PTPRM: variants seen among roughly 807,000 people sequenced by gnomAD.
PTPRM encodes the protein receptor-type tyrosine-protein phosphatase mu.
A neutral mutation model predicts 186.7 loss-of-function variants in PTPRM; 47 were observed. The observed-to-expected ratio is 0.25, with a 90% CI of 0.20 to 0.32. The LOEUF (loss-of-function observed/expected upper bound fraction) is 0.32, where lower values mean the gene tolerates loss of function less well. Among genes scored for constraint, PTPRM ranks in the 10% least tolerant of loss-of-function variants. PTPRM has a pLI of 1.00. For missense variants in PTPRM, 1,494 were observed against 1,865.0 expected (o/e 0.80, Z 3.66); for synonymous variants, 668 against 674.9 (o/e 0.99, Z 0.16).
At chr18:7,969,324 T>C (rs981666670) in intron 7 of PTPRM, among the ~76,000 whole-genome samples, 24 of 133,666 alleles carry the variant, frequency 1.8e-4, no homozygotes, top group Non-Finnish European at 7.9e-5. Context: ...AGAGGGAAAT[T>C]TATAGCACTA....
At chr18:8,008,230 A>G (rs1216325520) in intron 7 of PTPRM, among the ~76,000 whole-genome samples, 1 of 152,122 alleles carries the variant, frequency 6.6e-6, no homozygotes, top group Non-Finnish European at 1.5e-5. Flanking sequence ...CTTACCATAA[A>G]ATTGCAGAGG....
intron 1 of PTPRM, among the ~76,000 whole-genome samples, chr18:7,627,923 A>G (rs941298522): frequency 6.6e-6 from 1 of 152,188 alleles, no homozygotes; most frequent in African/African-American, 2.4e-5. Context: ...GCCCTGCACA[A>G]ATGGAGATTC....
intron 1 of PTPRM, among the ~76,000 whole-genome samples, chr18:7,570,121 G>A (rs1274426428): frequency 2.0e-5 from 3 of 151,830 alleles, no homozygotes; most frequent in Non-Finnish European, 2.9e-5. Context: ...GTGAGAATCC[G>A]TCTCAAAAAA....
chr18:8,375,815 G>A (rs1465549278), intron 24 of PTPRM, among the ~76,000 whole-genome samples: 2 of 152,190 alleles, frequency 1.3e-5, no homozygotes, highest in Non-Finnish European at 1.5e-5. Flanking sequence ...CTAAAAATTA[G>A]CATTTTCCCC....
intron 9 of PTPRM, among the ~76,000 whole-genome samples, chr18:8,078,120 AAAT>A (rs879926301): frequency 1.3e-5 from 2 of 152,220 alleles, no homozygotes; most frequent in Non-Finnish European, 2.9e-5. Context: ...CAAAGTGATT[AAAT>A]ACAAGCTTTC....
intron 7 of PTPRM, among the ~76,000 whole-genome samples, chr18:7,965,095 A>G (rs1045524389): frequency 4.9e-5 from 7 of 142,608 alleles, no homozygotes; most frequent in Non-Finnish European, 7.5e-5. Context: ...CTGGAGTGCA[A>G]TGTGCAATGG....
intron 1 of PTPRM, among the ~76,000 whole-genome samples, chr18:7,734,928 T>TCA (rs60898785): frequency 0.06 from 9,063 of 151,552 alleles, 541 homozygotes; most frequent in African/African-American, 0.14. Context: ...ACGGTGGGGG[T>TCA]CACACACACA....
chr18:8,280,616 A>G (rs905217267), intron 19 of PTPRM, among the ~76,000 whole-genome samples: 1 of 152,194 alleles, frequency 6.6e-6, no homozygotes, highest in Non-Finnish European at 1.5e-5. Context: ...TAAATAATTT[A>G]CATTAAATGT....
chr18:8,036,196 T>C (rs1002864102), intron 7 of PTPRM, among the ~76,000 whole-genome samples: 1 of 152,142 alleles, frequency 6.6e-6, no homozygotes, highest in Admixed American at 6.5e-5. Flanking sequence ...GGATAAAAAT[T>C]ATTGTGTTTG....
chr18:7,623,175 C>T (rs1436405146), intron 1 of PTPRM, among the ~76,000 whole-genome samples: 2 of 152,000 alleles, frequency 1.3e-5, no homozygotes, highest in Admixed American at 6.6e-5. Context: ...TGATATTTTA[C>T]AATTTAGTTA....
At chr18:7,569,349 T>C (rs2036515974) in intron 1 of PTPRM, among the ~76,000 whole-genome samples, 1 of 152,150 alleles carries the variant, frequency 6.6e-6, no homozygotes, top group African/African-American at 2.4e-5. Flanking sequence ...AATACAGAAA[T>C]ATCCTTTCTC....
intron 7 of PTPRM, among the ~76,000 whole-genome samples, chr18:7,991,932 A>G (rs1384242787): frequency 6.6e-6 from 1 of 152,138 alleles, no homozygotes; most frequent in Non-Finnish European, 1.5e-5. Flanking sequence ...ATCTAGAGGT[A>G]TTTATCCAAT....
intron 3 of PTPRM, among the ~76,000 whole-genome samples, chr18:7,889,344 T>G (rs2048947363): frequency 6.8e-6 from 1 of 146,396 alleles, no homozygotes; most frequent in Non-Finnish European, 1.5e-5. Context: ...TTTTTTTTTT[T>G]TTTTTTTTTT....
intron 9 of PTPRM, among the ~76,000 whole-genome samples, chr18:8,083,757 A>C (rs987533695): frequency 6.6e-6 from 1 of 152,170 alleles, no homozygotes; most frequent in Non-Finnish European, 1.5e-5. Flanking sequence ...GGTAGAAAAC[A>C]TGGAAACAGA....
intron 20 of PTPRM, among the ~76,000 whole-genome samples, chr18:8,302,602 G>A (rs778160425): frequency 1.3e-5 from 2 of 152,134 alleles, no homozygotes; most frequent in East Asian, 1.9e-4. Context: ...AGTGTGACAC[G>A]ATGATGATGT....
intron 2 of PTPRM, among the ~76,000 whole-genome samples, chr18:7,855,086 A>G (rs1389661114): frequency 2.0e-5 from 3 of 152,112 alleles, no homozygotes; most frequent in Admixed American, 1.3e-4. Context: ...GAATATATCT[A>G]TTTTGAGTGA....
At chr18:7,756,614 T>C (rs1190262824) in intron 1 of PTPRM, among the ~76,000 whole-genome samples, 1 of 152,190 alleles carries the variant, frequency 6.6e-6, no homozygotes, top group East Asian at 1.9e-4. Flanking sequence ...AATTTACTTA[T>C]GTAGTAGATT....
intron 1 of PTPRM, among the ~76,000 whole-genome samples, chr18:7,574,882 A>T (rs926037656): frequency 6.6e-6 from 1 of 152,166 alleles, no homozygotes; most frequent in African/African-American, 2.4e-5. Flanking sequence ...ATACAAAAAA[A>T]TTAGCCGGGC....
intron 1 of PTPRM, among the ~76,000 whole-genome samples, chr18:7,718,700 T>TC (rs2040389881): frequency 6.6e-6 from 1 of 152,012 alleles, no homozygotes; most frequent in East Asian, 1.9e-4. Flanking sequence ...TACAAGGAAC[T>TC]CCAACAAATC....
Sources: gnomAD v4.1 joint callset for allele counts (sites outside exome capture counted in the v4.1 genomes callset) on GRCh38, gnomAD v4.1.1 for gene constraint, MANE v1.5 for transcripts, NCBI Gene and HGNC (gene_info 2026-07-23, HGNC 2026-07-21) for gene names.